CPLX1: variants seen among roughly 807,000 people sequenced by gnomAD.
CPLX1 encodes the protein complexin 1, also known as complexin-1.
A neutral mutation model predicts 15.6 loss-of-function variants in CPLX1; 6 were observed. The observed-to-expected ratio is 0.39, with a 90% CI of 0.21 to 0.76. The LOEUF (loss-of-function observed/expected upper bound fraction) is 0.76, where lower values mean the gene tolerates loss of function less well. Among genes scored for constraint, CPLX1 ranks in the 30% least tolerant of loss-of-function variants. CPLX1 has a pLI of 0.43. For missense variants in CPLX1, 242 were observed against 188.6 expected (o/e 1.28, Z -1.66); for synonymous variants, 91 against 75.2 (o/e 1.21, Z -1.08).
intron 3 of CPLX1, among the ~76,000 whole-genome samples, chr4:790,137 A>G (rs947891305): frequency 6.6e-6 from 1 of 151,880 alleles, no homozygotes; most frequent in Non-Finnish European, 1.5e-5. Flanking sequence ...GTGGAGGAGG[A>G]CTCTGTGGGG....
At chr4:797,073 C>G (rs1037206236) in intron 2 of CPLX1, among the ~76,000 whole-genome samples, 1 of 152,184 alleles carries the variant, frequency 6.6e-6, no homozygotes, top group Non-Finnish European at 1.5e-5. Context: ...AAACTGGACC[C>G]CTGCACAACA....
At position 814,471 on chromosome 4, in the gene CPLX1, C is replaced by T. The variant is rs141219588; in HGVS notation, c.31+10021G>A. ...CAGGTGATTCACCTGCCTTGGCCTC[C>T]CACAGTGTTGGGATTTCAGGCATGA... is the stretch of plus-strand genomic sequence containing the variant. On this transcript the variant is annotated intron_variant, in intron 2 of 3. Coordinates refer to ENST00000304062, the MANE Select transcript of CPLX1 (RefSeq NM_006651.4). Among the ~76,000 whole-genome samples, 315 of 152,296 alleles carry T rather than the reference C, an allele frequency of 2.1e-3. 3 individuals are homozygous for T. The highest frequency in any genetic ancestry group is 7.3e-3 in the African/African-American group (305 of 41,548).
chr4:824,415 G>A (rs929029562), intron 2 of CPLX1, 77 bp downstream of exon 2: 2 of 1,332,732 alleles, frequency 1.5e-6, no homozygotes, highest in African/African-American at 1.4e-5. Flanking sequence ...GCTGCGGTGG[G>A]CCAGATGAGG....
chr4:788,451 C>T (rs773504129), intron 3 of CPLX1: 55 of 985,318 alleles, frequency 5.6e-5, no homozygotes, highest in Non-Finnish European at 6.6e-5. Context: ...GTGGGCTCGC[C>T]CTAGTCCTCA....
chr4:824,988 G>C (rs577148988), intron 1 of CPLX1: 1 of 356,252 alleles, frequency 2.8e-6, no homozygotes, highest in East Asian at 7.4e-5. Context: ...GCCCAGGGCC[G>C]TGGAGAAGGG....
intron 2 of CPLX1, among the ~76,000 whole-genome samples, chr4:812,445 T>C: frequency 6.6e-6 from 1 of 152,154 alleles, no homozygotes; most frequent in Admixed American, 6.6e-5. Flanking sequence ...TTTTATCCAA[T>C]CTGACAATTC....
chr4:821,687 G>C (rs1746865695), intron 2 of CPLX1, among the ~76,000 whole-genome samples: 1 of 152,138 alleles, frequency 6.6e-6, no homozygotes, highest in Non-Finnish European at 1.5e-5. Context: ...GTGTTGTGGG[G>C]GGAGGCCCGG....
At chr4:807,459 A>G (rs900230345) in intron 2 of CPLX1, among the ~76,000 whole-genome samples, 2 of 152,028 alleles carry the variant, frequency 1.3e-5, no homozygotes, top group African/African-American at 4.8e-5. Context: ...CATCCTGCAC[A>G]TGTATCCCGG....
intron 2 of CPLX1, among the ~76,000 whole-genome samples, chr4:800,187 G>T (rs1746423537): frequency 6.6e-6 from 1 of 152,102 alleles, no homozygotes; most frequent in South Asian, 2.1e-4. Context: ...TCATACATTT[G>T]GTCACAGACA....
intron 3 of CPLX1, among the ~76,000 whole-genome samples, chr4:792,168 G>A (rs1159878177): frequency 3.3e-5 from 5 of 152,194 alleles, no homozygotes; most frequent in African/African-American, 1.2e-4. Context: ...CAGGCTCCAC[G>A]CAGGGCTGCG....
intron 2 of CPLX1, chr4:805,055 G>T: frequency 1.9e-6 from 1 of 539,340 alleles, no homozygotes; most frequent in Non-Finnish European, 2.4e-6. Flanking sequence ...GCCCTGGCGT[G>T]TGGCTGGAGA....
intron 3 of CPLX1, chr4:787,542 A>T: frequency 6.2e-6 from 4 of 641,220 alleles, no homozygotes; most frequent in Non-Finnish European, 7.7e-6. Context: ...TGTAAGAGAC[A>T]GAAAGGACAG....
At chr4:813,598 T>C (rs1164528330) in intron 2 of CPLX1, among the ~76,000 whole-genome samples, 1 of 152,112 alleles carries the variant, frequency 6.6e-6, no homozygotes, top group Non-Finnish European at 1.5e-5. Flanking sequence ...ACCCCCAGAC[T>C]CAGACCAATC....
At chr4:818,158 G>A (rs900791396) in intron 2 of CPLX1, among the ~76,000 whole-genome samples, 4 of 152,236 alleles carry the variant, frequency 2.6e-5, no homozygotes, top group Non-Finnish European at 4.4e-5. Flanking sequence ...AGAGGCCCCA[G>A]TGCAGCTGAG....
At chr4:792,920 C>A (rs1016906089) in intron 2 of CPLX1, among the ~76,000 whole-genome samples, 29 of 152,228 alleles carry the variant, frequency 1.9e-4, no homozygotes, top group Admixed American at 9.2e-4. Flanking sequence ...TGTGTGACTG[C>A]GTGCTTATGC....
intron 2 of CPLX1, among the ~76,000 whole-genome samples, chr4:796,404 G>T (rs547967793): frequency 6.6e-6 from 1 of 152,070 alleles, no homozygotes; most frequent in African/African-American, 2.4e-5. Flanking sequence ...CCTTGCCTCC[G>T]CCTCCTGAGT....
chr4:810,052 T>C (rs1202013308), intron 2 of CPLX1, among the ~76,000 whole-genome samples: 3 of 147,030 alleles, frequency 2.0e-5, no homozygotes, highest in South Asian at 2.2e-4. Context: ...ACTTTCTTTT[T>C]TTTTTTTTTT....
At chr4:788,152 C>A in intron 3 of CPLX1, 1 of 985,332 alleles carries the variant, frequency 1.0e-6, no homozygotes, top group Non-Finnish European at 1.2e-6. Context: ...CCATCTCCTG[C>A]TCCTGTCTCA....
At chr4:789,337 GGAGGCCCTGACACGTCTGAGGT>G (rs1255556626) in intron 3 of CPLX1, among the ~76,000 whole-genome samples, 1 of 152,212 alleles carries the variant, frequency 6.6e-6, no homozygotes, top group African/African-American at 2.4e-5. Flanking sequence ...GGGGCGCCCA[GGAGGCCCTGACACGTCTGAGGT>G]GAGACCCTGA....
Sources: allele counts gnomAD v4.1 joint callset (sites outside exome capture counted in the v4.1 genomes callset), GRCh38; gene constraint gnomAD v4.1.1; transcripts MANE v1.5; gene names NCBI Gene and HGNC (gene_info 2026-07-23, HGNC 2026-07-21).